Variants in LINGO2 observed in about 807,000 individuals in gnomAD.
The protein encoded by LINGO2 is leucine-rich repeat and immunoglobulin-like domain-containing nogo receptor-interacting protein 2.
A neutral mutation model predicts 30.6 loss-of-function variants in LINGO2; 14 were observed. The ratio of observed to expected loss-of-function variants is 0.46; its 90% CI spans 0.30 to 0.72. The LOEUF (loss-of-function observed/expected upper bound fraction) is 0.72. LINGO2 is among the 30% of genes least tolerant of loss of function. The pLI is 0.07. For synonymous variants in LINGO2, 317 were observed against 288.5 expected (o/e 1.10, Z -1.00); for missense variants, 729 against 751.7 (o/e 0.97, Z 0.35).
intron 5 of LINGO2, among the ~76,000 whole-genome samples, chr9:27,962,119 C>G (rs1481451057): frequency 6.6e-6 from 1 of 152,108 alleles, no homozygotes; most frequent in Non-Finnish European, 1.5e-5. Flanking sequence ...CAATTATAAT[C>G]AGATGACTAT....
At chr9:28,790,036 G>A in the LINGO2 span, among the ~76,000 whole-genome samples, 4 of 152,040 alleles carry the variant, frequency 2.6e-5, no homozygotes, top group South Asian at 2.1e-4. Context: ...GGTCAACTGC[G>A]GTTCAAAAAT....
At chr9:28,252,183 A>T (rs1344614633) in intron 4 of LINGO2, among the ~76,000 whole-genome samples, 1 of 152,174 alleles carries the variant, frequency 6.6e-6, no homozygotes, top group African/African-American at 2.4e-5. Flanking sequence ...CTATACAAAG[A>T]TCATTACATA....
chr9:28,368,483 G>A (rs892661290), intron 3 of LINGO2, among the ~76,000 whole-genome samples: 1 of 151,932 alleles, frequency 6.6e-6, no homozygotes, highest in Non-Finnish European at 1.5e-5. Flanking sequence ...GATGTATTAA[G>A]GGTCTCATTT....
the LINGO2 span, among the ~76,000 whole-genome samples, chr9:29,055,782 T>C: frequency 2.6e-5 from 4 of 152,052 alleles, no homozygotes; most frequent in African/African-American, 9.6e-5. Flanking sequence ...TCCTCATAGC[T>C]TAGCTCCCAC....
chr9:28,223,512 A>AG (rs1304350356), intron 4 of LINGO2, among the ~76,000 whole-genome samples: 4 of 152,192 alleles, frequency 2.6e-5, no homozygotes, highest in African/African-American at 4.8e-5. Context: ...CCAAATTTGC[A>AG]GGGGGGCATT....
At chr9:28,310,342 A>T (rs770738001) in intron 3 of LINGO2, among the ~76,000 whole-genome samples, 3 of 152,176 alleles carry the variant, frequency 2.0e-5, no homozygotes, top group Non-Finnish European at 2.9e-5. Flanking sequence ...CATGGAACAG[A>T]ATTATACTGC....
intron 4 of LINGO2, among the ~76,000 whole-genome samples, chr9:28,191,160 T>C (rs1422351081): frequency 1.3e-5 from 2 of 152,194 alleles, no homozygotes; most frequent in African/African-American, 2.4e-5. Context: ...CATGGTTAAA[T>C]TGGCTCTAGG....
chr9:29,130,752 A>AGGTACTTGTTAAAACATGGAGATAT, the LINGO2 span, among the ~76,000 whole-genome samples: 805 of 152,236 alleles, frequency 5.3e-3, 7 homozygotes, highest in African/African-American at 0.018. Context: ...CCAGGAGATA[A>AGGTACTTGTTAAAACATGGAGATAT]GGTACTTGTT....
intron 1 of LINGO2, among the ~76,000 whole-genome samples, chr9:28,638,120 C>T (rs1001787931): frequency 2.6e-5 from 4 of 152,072 alleles, no homozygotes; most frequent in Non-Finnish European, 4.4e-5. Flanking sequence ...TACTGGATTA[C>T]GTTTATTGAT....
chr9:28,903,418 A>G, the LINGO2 span, among the ~76,000 whole-genome samples: 136,325 of 152,174 alleles, frequency 0.9, 61,353 homozygotes, highest in Non-Finnish European at 0.94. Flanking sequence ...AGGACATAAC[A>G]GCTTCACTGA....
intron 4 of LINGO2, among the ~76,000 whole-genome samples, chr9:28,041,360 T>C (rs1397442912): frequency 6.6e-6 from 1 of 152,216 alleles, no homozygotes; most frequent in Non-Finnish European, 1.5e-5. Context: ...ATGTTCATAC[T>C]GTACGGAGTG....
the LINGO2 span, among the ~76,000 whole-genome samples, chr9:29,197,070 G>A: frequency 1.3e-5 from 2 of 151,842 alleles, no homozygotes; most frequent in Non-Finnish European, 2.9e-5. Context: ...AAAACTTTAG[G>A]CTGTAGACCA....
the LINGO2 span, among the ~76,000 whole-genome samples, chr9:28,959,878 A>T: frequency 1.3e-5 from 2 of 152,128 alleles, no homozygotes; most frequent in East Asian, 3.9e-4. Context: ...AGCTGCAATT[A>T]TGTGGTAGCA....
the LINGO2 span, among the ~76,000 whole-genome samples, chr9:28,993,949 A>T: frequency 6.6e-6 from 1 of 151,374 alleles, no homozygotes; most frequent in Non-Finnish European, 1.5e-5. Context: ...TCCCTTTGAA[A>T]AGTGGCACAA....
chr9:28,832,955 C>G, the LINGO2 span, among the ~76,000 whole-genome samples: 1 of 139,414 alleles, frequency 7.2e-6, no homozygotes, highest in East Asian at 2.2e-4. Flanking sequence ...ATATTAGTGG[C>G]TGACGTAGTA....
At chr9:28,509,428 A>T (rs775314810) in intron 1 of LINGO2, among the ~76,000 whole-genome samples, 36 of 152,242 alleles carry the variant, frequency 2.4e-4, no homozygotes, top group East Asian at 7.7e-4. Context: ...CCCTGCCTGA[A>T]ATATTTTCCT....
At chr9:29,037,470 A>G in the LINGO2 span, among the ~76,000 whole-genome samples, 2 of 152,002 alleles carry the variant, frequency 1.3e-5, no homozygotes, top group Non-Finnish European at 2.9e-5. Context: ...GTTTTCTAGA[A>G]CAAATAATTT....
At chr9:28,032,432 G>GT (rs1394511182) in intron 4 of LINGO2, among the ~76,000 whole-genome samples, 119 of 152,276 alleles carry the variant, frequency 7.8e-4, no homozygotes, top group Middle Eastern at 3.4e-3. Context: ...CATTACATAT[G>GT]ATTCACATAA....
At chr9:28,597,291 C>T (rs1461296379) in intron 1 of LINGO2, among the ~76,000 whole-genome samples, 1 of 152,118 alleles carries the variant, frequency 6.6e-6, no homozygotes, top group Non-Finnish European at 1.5e-5. Flanking sequence ...TTTGCAAGTC[C>T]TCAAAATCAA....
Sources: allele counts gnomAD v4.1 joint callset (sites outside exome capture counted in the v4.1 genomes callset), GRCh38; gene constraint gnomAD v4.1.1; transcripts MANE v1.5; gene names NCBI Gene and HGNC (gene_info 2026-07-23, HGNC 2026-07-21).